DCAF1: variants seen among roughly 807,000 people sequenced by gnomAD.
The protein encoded by DCAF1 is DDB1- and CUL4-associated factor 1.
A neutral mutation model predicts 128.0 loss-of-function variants in DCAF1; 15 were observed. That is an observed-to-expected ratio of 0.12 (90% CI 0.08 to 0.18). DCAF1 has a LOEUF of 0.18. DCAF1 is among the 10% of genes least tolerant of loss of function. DCAF1 has a pLI of 1.00. For missense variants in DCAF1, 988 were observed against 1,649.5 expected (o/e 0.60, Z 6.95); for synonymous variants, 610 against 603.0 (o/e 1.01, Z -0.17).
chr3:51,414,557 G>T (rs1698711681), intron 19 of DCAF1, 67 bp downstream of exon 19: 2 of 1,577,852 alleles, frequency 1.3e-6, no homozygotes, highest in African/African-American at 1.3e-5. Context: ...TATAAAGATA[G>T]AACAAATTAT....
At chr3:51,444,701 A>C (rs1701678458) in intron 6 of DCAF1, among the ~76,000 whole-genome samples, 1 of 150,878 alleles carries the variant, frequency 6.6e-6, no homozygotes, top group Non-Finnish European at 1.5e-5. Context: ...ATTGAGACAG[A>C]GTCTTGCTCT....
At chr3:51,406,083 C>T (rs2090084131) in intron 23 of DCAF1, among the ~76,000 whole-genome samples, 2 of 151,966 alleles carry the variant, frequency 1.3e-5, no homozygotes, top group East Asian at 1.9e-4. Context: ...GTGGCTCACA[C>T]CTGTAATCCC....
chr3:51,455,511 T>C (rs1270245945), intron 6 of DCAF1, among the ~76,000 whole-genome samples: 4 of 151,424 alleles, frequency 2.6e-5, no homozygotes, highest in African/African-American at 9.7e-5. Context: ...GAGGCTGAGG[T>C]GGGAGAACAG....
chr3:51,454,374 T>C (rs1158807199), intron 6 of DCAF1, among the ~76,000 whole-genome samples: 2 of 152,162 alleles, frequency 1.3e-5, no homozygotes, highest in Non-Finnish European at 2.9e-5. Context: ...TATTTATTTA[T>C]TTTTTGAGAT....
intron 3 of DCAF1, among the ~76,000 whole-genome samples, chr3:51,481,632 T>C (rs1559565741): frequency 6.7e-6 from 1 of 150,174 alleles, no homozygotes; most frequent in South Asian, 2.1e-4. Flanking sequence ...GAGGTGGGGG[T>C]TGCAGTGAGC....
chr3:51,467,062 A>G (rs1310378680), intron 4 of DCAF1, among the ~76,000 whole-genome samples, 186 bp from the exon 5 acceptor site: 2 of 152,158 alleles, frequency 1.3e-5, no homozygotes, highest in East Asian at 3.9e-4. Flanking sequence ...GGCCAGGCGC[A>G]GTAGCTCATG....
In DCAF1 at chr3:51,441,089, T is replaced by C; in HGVS notation, c.1027-18A>G. On this transcript the variant is annotated intron_variant, in intron 8 of 24. Coordinates refer to ENST00000684031, the MANE Select transcript of DCAF1 (RefSeq NM_001387579.1). ...GGAAGTAGCTGAAATGAACACCAAA[T>C]ACAAGTCTTAAATTTTGGCTTTATT... The C allele has an allele frequency of 6.3e-7, 1 of 1,593,938 alleles. No homozygotes were observed. The highest frequency in any genetic ancestry group is 1.1e-5 in the South Asian group (1 of 87,792).
chr3:51,424,588 T>C (rs1173876439), intron 13 of DCAF1, among the ~76,000 whole-genome samples: 3 of 152,120 alleles, frequency 2.0e-5, no homozygotes, highest in East Asian at 1.9e-4. Context: ...AGGAGGTTCA[T>C]GATACCATTT....
intron 6 of DCAF1, among the ~76,000 whole-genome samples, chr3:51,447,247 T>C (rs1340247925): frequency 1.3e-5 from 2 of 151,532 alleles, no homozygotes; most frequent in Admixed American, 6.6e-5. Context: ...CCGTCTCTAC[T>C]AAAATTACAA....
intron 17 of DCAF1, among the ~76,000 whole-genome samples, chr3:51,417,782 A>G (rs1444899776): frequency 7.5e-6 from 1 of 133,294 alleles, no homozygotes; most frequent in Admixed American, 7.7e-5. Context: ...AAGAGAGGAG[A>G]GAGAAAAGGA....
At chr3:51,428,527 T>C (rs755687086) in intron 12 of DCAF1, among the ~76,000 whole-genome samples, 29 of 152,052 alleles carry the variant, frequency 1.9e-4, no homozygotes, top group Non-Finnish European at 4.0e-4. Flanking sequence ...GTCTCACTAT[T>C]GTTGCCCAGG....
chr3:51,414,553 G>C, intron 19 of DCAF1, 71 bp downstream of exon 19: 1 of 1,573,374 alleles, frequency 6.4e-7, no homozygotes, highest in East Asian at 2.3e-5. Flanking sequence ...TTGGTATAAA[G>C]ATAGAACAAA....
chr3:51,465,033 A>T (rs1553645991), intron 5 of DCAF1, among the ~76,000 whole-genome samples: 2 of 152,202 alleles, frequency 1.3e-5, no homozygotes, highest in Admixed American at 1.3e-4. Context: ...TCTGGGCTAT[A>T]AAGTGAAGAA....
chr3:51,407,290 G>T (rs1405986504), intron 23 of DCAF1, among the ~76,000 whole-genome samples: 3 of 151,990 alleles, frequency 2.0e-5, no homozygotes, highest in African/African-American at 7.3e-5. Context: ...GTCCTTAAAG[G>T]CTATAGGTTC....
intron 23 of DCAF1, 137 bp downstream of exon 23, chr3:51,412,242 G>A: frequency 8.6e-7 from 1 of 1,165,982 alleles, no homozygotes; most frequent in African/African-American, 1.5e-5. Flanking sequence ...CAGTGATCAA[G>A]GGTACATGAC....
chr3:51,497,110 C>T (rs528192362), intron 1 of DCAF1, among the ~76,000 whole-genome samples: 9 of 151,988 alleles, frequency 5.9e-5, no homozygotes, highest in South Asian at 2.1e-4. Context: ...GCCTGGCCAA[C>T]GCGGCAAATC....
chr3:51,453,814 G>A (rs782562103), intron 6 of DCAF1, among the ~76,000 whole-genome samples: 6 of 151,940 alleles, frequency 3.9e-5, no homozygotes, highest in African/African-American at 7.3e-5. Flanking sequence ...TTAGCCAGGC[G>A]TGGTGGCACG....
rs782117372 is a variant in DCAF1 at position 51,425,559 on chromosome 3, C to CTTTTTTT, written c.1847+1806_1847+1812dup. ...TTCTAGTTATCTTGTAAGCTGTCAT[C>CTTTTTTT]TTTTTTTTTTTTTTTTTTTTGGAGA... On this transcript the variant is annotated intron_variant, in intron 13 of 24. Transcript: ENST00000684031. Among the ~76,000 whole-genome samples the CTTTTTTT allele has an allele frequency of 4.1e-5, 4 of 96,838 alleles. 1 individual carries two copies. Among genetic ancestry groups the CTTTTTTT allele is most frequent in the African/African-American group, 8.2e-5 (2 of 24,424 alleles). The allele number at this position is 96,838 out of a possible 152,430, so 63.5% of individuals were successfully genotyped here.
intron 9 of DCAF1, among the ~76,000 whole-genome samples, chr3:51,435,930 A>G (rs1457436878): frequency 6.6e-6 from 1 of 152,230 alleles, no homozygotes; most frequent in Admixed American, 6.5e-5. Context: ...CAAAGGGAAG[A>G]TGATTAAAGA....
Sources: gnomAD v4.1 joint callset for allele counts (sites outside exome capture counted in the v4.1 genomes callset) on GRCh38, gnomAD v4.1.1 for gene constraint, MANE v1.5 for transcripts, NCBI Gene and HGNC (gene_info 2026-07-23, HGNC 2026-07-21) for gene names.